The following COX19 variants were observed in gnomAD, a reference collection of about 807,000 sequenced individuals.
The protein encoded by COX19 is cytochrome c oxidase assembly protein COX19.
Under a neutral mutation model 6.8 loss-of-function variants are expected in COX19, and 8 were observed. That is an observed-to-expected ratio of 1.18 (90% CI 0.69 to 2.12). The LOEUF is 2.12. Ranked by LOEUF, COX19 falls within the 30% of genes most tolerant of loss-of-function variation. The pLI, the probability that COX19 is intolerant of heterozygous loss-of-function variation, is 0.00. For synonymous variants in COX19, 51 were observed against 38.0 expected, an observed-to-expected ratio of 1.34 and a Z score of -1.26; for missense variants, 131 against 104.6, an observed-to-expected ratio of 1.25 and a Z score of -1.10.
At chr7:975,259 C>A (rs922332754) in intron 1 of COX19, 169 bp downstream of exon 1, 4 of 534,980 alleles carry the variant, frequency 7.5e-6, no homozygotes, top group Non-Finnish European at 9.8e-6. Flanking sequence ...CCTGCAGGGT[C>A]CATGCCGCAG....
At position 966,812 on chromosome 7, in the gene COX19, G is replaced by A. The variant is rs1259144572; in HGVS notation, c.*2566C>T. On this transcript the variant is annotated 3_prime_UTR_variant, in exon 3 of 3. Coordinates refer to ENST00000344111, the MANE Select transcript of COX19 (RefSeq NM_001031617.3). ...TGAGTTTTTGATTCTGTGCTGTTCT[G>A]AGCAGCCGTCCTGCTGGGACATCAA... 5 of 152,082 alleles carry A rather than the reference G, an allele frequency of 3.3e-5. No homozygotes were observed. The highest frequency in any genetic ancestry group is 4.8e-5 in the African/African-American group (2 of 41,410). The allele number at this position is 152,082 out of a possible 1,614,324, so 9.4% of individuals were successfully genotyped here. A position where few individuals can be genotyped will look rare whatever the true frequency, so the allele number is the denominator to read the frequency against.
At chr7:974,032 A>T (rs1847669850) in intron 1 of COX19, among the ~76,000 whole-genome samples, 2 of 151,666 alleles carry the variant, frequency 1.3e-5, no homozygotes, top group Admixed American at 1.3e-4. Context: ...AATAAAAAAT[A>T]AAAAAACAAT....
In COX19 at chr7:965,040, G is replaced by C. The variant is rs1000553979; in HGVS notation, c.*4338C>G. Among the ~76,000 whole-genome samples the C allele has an allele frequency of 6.6e-6, 1 of 152,160 alleles. No individual in the cohort carries two copies. Among genetic ancestry groups the C allele is most frequent in the African/African-American group, 2.4e-5 (1 of 41,432 alleles). On this transcript the variant is annotated 3_prime_UTR_variant, in exon 3 of 3. Coordinates refer to ENST00000344111, the MANE Select transcript of COX19 (RefSeq NM_001031617.3). ...CAGCAGCCAGACCCAGAAACTCAAAGGCAGCGTTGGGAAGCCACTGCACGT... is the reference window on the plus strand; with the variant it reads ...CAGCAGCCAGACCCAGAAACTCAAACGCAGCGTTGGGAAGCCACTGCACGT...
chr7:974,919 A>G (rs1251719363), intron 1 of COX19: 2 of 152,794 alleles, frequency 1.3e-5, no homozygotes, highest in African/African-American at 4.8e-5. Context: ...CGGCCTCCCA[A>G]AGGGCTGGGA....
chr7:970,365 C>T (rs977439167), intron 2 of COX19, among the ~76,000 whole-genome samples: 1 of 151,772 alleles, frequency 6.6e-6, no homozygotes, highest in African/African-American at 2.4e-5. Context: ...GAACTCCTGA[C>T]CTCATGTGAT....
At position 965,445 on chromosome 7, in the gene COX19, G is replaced by C. The variant is rs544047100; in HGVS notation, c.*3933C>G. On this transcript the variant is annotated 3_prime_UTR_variant, in exon 3 of 3. Transcript: ENST00000344111. ...CATGCAGTTGGGCAAGAGAACCAGA[G>C]GTGATACCGTGCCCTCAGGGACGCC... Among the ~76,000 whole-genome samples the C allele has an allele frequency of 1.3e-5, 2 of 152,224 alleles. No individual in the cohort carries two copies. The highest frequency in any genetic ancestry group is 2.9e-5 in the Non-Finnish European group (2 of 68,052).
rs769453101 is a variant in COX19 at position 967,179 on chromosome 7, C to A, written c.*2199G>T. The stretch of plus-strand genomic sequence containing the variant: ...CACGAAGTTCTGTCAGTTTTGCTGT[C>A]ACATCTCAGACTTGATCACAGGTAC... On this transcript the variant is annotated 3_prime_UTR_variant, in exon 3 of 3. Coordinates refer to ENST00000344111, the MANE Select transcript of COX19 (RefSeq NM_001031617.3). 2 of 152,194 alleles carry A rather than the reference C, an allele frequency of 1.3e-5. No homozygotes were observed. Among genetic ancestry groups the A allele is most frequent in the Non-Finnish European group, 2.9e-5 (2 of 68,048 alleles). 9.4% of individuals were successfully genotyped at this position (152,194 alleles called of 1,614,324 possible).
At chr7:971,102 C>T (rs999476165) in intron 2 of COX19, among the ~76,000 whole-genome samples, 1 of 152,200 alleles carries the variant, frequency 6.6e-6, no homozygotes. Flanking sequence ...CCCATGAGGC[C>T]CCCACACACT....
In COX19 at chr7:969,036, A is replaced by G; in HGVS notation, c.*342T>C. On this transcript the variant is annotated 3_prime_UTR_variant, in exon 3 of 3. Transcript: ENST00000344111. ...GTTCAGAAGGGACTGAAATTTATAC[A>G]TTTACCTCTTTGAACTCAGAAAGTA... The G allele has an allele frequency of 4.6e-6, 1 of 215,564 alleles. No homozygotes were observed. Among genetic ancestry groups the G allele is most frequent in the East Asian group, 1.1e-4 (1 of 9,350 alleles). 13.4% of individuals were successfully genotyped at this position (215,564 alleles called of 1,614,324 possible).
Position 975,411 on chromosome 7 carries a change from G to T in COX19, c.82+17C>A. 1.3e-6 allele frequency: 2 copies of T among 1,572,778 alleles called. No individual in the cohort carries two copies. Among genetic ancestry groups the T allele is most frequent in the East Asian group, 2.4e-5 (1 of 41,042 alleles). On this transcript the variant is annotated intron_variant, in intron 1 of 2. Coordinates refer to ENST00000344111, the MANE Select transcript of COX19 (RefSeq NM_001031617.3). Reference sequence around the variant, plus strand: ...CCCCCATCGCAGACCCCTGCCCGCCGACCTTCCGCCGCTCACCTAAGTGAT... The same window carrying T: ...CCCCCATCGCAGACCCCTGCCCGCCTACCTTCCGCCGCTCACCTAAGTGAT...
At chr7:971,103 C>T (rs1297039883) in intron 2 of COX19, among the ~76,000 whole-genome samples, 1 of 152,216 alleles carries the variant, frequency 6.6e-6, no homozygotes, top group Non-Finnish European at 1.5e-5. Flanking sequence ...CCATGAGGCC[C>T]CCACACACTC....
In COX19 at chr7:967,631, G is replaced by A. The variant is rs1847576894; in HGVS notation, c.*1747C>T. 6.6e-6 allele frequency: 1 copy of A among 152,256 alleles called. No homozygotes were observed. Among genetic ancestry groups the A allele is most frequent in the African/African-American group, 2.4e-5 (1 of 41,460 alleles). The allele number at this position is 152,256 out of a possible 1,614,324, so 9.4% of individuals were successfully genotyped here. On this transcript the variant is annotated 3_prime_UTR_variant, in exon 3 of 3. Transcript: ENST00000344111. ...CTGGGCCCGGGAGCTCCGTCGGCATGGTCTGTTGTGTTCCCCTCACATCCT... is the reference window on the plus strand; with the variant it reads ...CTGGGCCCGGGAGCTCCGTCGGCATAGTCTGTTGTGTTCCCCTCACATCCT...
intron 2 of COX19, among the ~76,000 whole-genome samples, chr7:971,242 T>G (rs1173029065): frequency 2.0e-5 from 3 of 152,190 alleles, no homozygotes. Flanking sequence ...CAGACCACGG[T>G]GGTCATCTGA....
Position 969,395 on chromosome 7 carries a change from AT to A in COX19, c.255del (p.Lys85AsnfsTer9). The A allele has an allele frequency of 6.2e-7, 1 of 1,609,606 alleles. No individual in the cohort carries two copies. The highest frequency in any genetic ancestry group is 8.5e-7 in the Non-Finnish European group (1 of 1,176,032). On this transcript the variant is annotated frameshift_variant, in exon 3 of 3. Coordinates refer to ENST00000344111, the MANE Select transcript of COX19 (RefSeq NM_001031617.3). LOFTEE classifies it high-confidence loss of function. ...ATCAAAATTCATTTTTTTGCCTCTG[AT>A]TTTCCACTAGTCAAGTCTCCAAATC... Reference protein sequence around the residue: ...KLGFGDLTSGKSEAKK With the variant: ...KLGFGDLTSGXSEAKK
chr7:975,318 G>C (rs1024168849), intron 1 of COX19, 110 bp downstream of exon 1: 109 of 849,742 alleles, frequency 1.3e-4, no homozygotes, highest in Non-Finnish European at 1.8e-4. Context: ...CCGTGCCTCA[G>C]TTTCCCCGCC....
At chr7:973,350 C>A in intron 1 of COX19, 58 bp from the exon 2 acceptor site, 1 of 1,510,786 alleles carries the variant, frequency 6.6e-7, no homozygotes, top group Non-Finnish European at 8.9e-7. Context: ...TGCAACCACA[C>A]AACAGCCTTA....
At chr7:969,723 G>A (rs934576534) in intron 2 of COX19, among the ~76,000 whole-genome samples, 7 of 152,102 alleles carry the variant, frequency 4.6e-5, no homozygotes, top group Non-Finnish European at 8.8e-5. Flanking sequence ...AGCTGCACCC[G>A]CTGCCCCCAG....
At chr7:974,851 T>C (rs1847683059) in intron 1 of COX19, 1 of 152,142 alleles carries the variant, frequency 6.6e-6, no homozygotes, top group Admixed American at 6.5e-5. Flanking sequence ...AGAGACGGGG[T>C]TTCCCCATGT....
Position 969,374 on chromosome 7 carries a change from A to C in COX19, c.*4T>G, listed in dbSNP as rs746871444. 7 of 1,593,342 alleles carry C rather than the reference A, an allele frequency of 4.4e-6. 1 individual carries two copies. The East Asian group carries it at 1.6e-4, about 36-fold the overall frequency. ...ACACGGCCCAGGGGTCTTCTCATCA[A>C]AATTCATTTTTTTGCCTCTGATTTT... is the stretch of plus-strand genomic sequence containing the variant. On this transcript the variant is annotated 3_prime_UTR_variant, in exon 3 of 3. Coordinates refer to ENST00000344111, the MANE Select transcript of COX19 (RefSeq NM_001031617.3).
Sources: allele counts gnomAD v4.1 joint callset (sites outside exome capture counted in the v4.1 genomes callset), GRCh38; gene constraint gnomAD v4.1.1; transcripts MANE v1.5; gene names NCBI Gene and HGNC (gene_info 2026-07-23, HGNC 2026-07-21).